MAFB: variants seen among roughly 807,000 people sequenced by gnomAD.
The protein encoded by MAFB is MAF bZIP transcription factor B.
A neutral mutation model predicts 17.7 loss-of-function variants in MAFB; 3 were observed. That is an observed-to-expected ratio of 0.17 (90% confidence interval 0.08 to 0.44). The LOEUF (loss-of-function observed/expected upper bound fraction) is 0.44. MAFB is among the 20% of genes least tolerant of loss of function. MAFB has a pLI of 0.99. For synonymous variants in MAFB, 214 were observed against 211.5 expected, an observed-to-expected ratio of 1.01 and a Z score of -0.10; for missense variants, 355 against 461.3, an observed-to-expected ratio of 0.77 and a Z score of 2.11.
rs746418143 is a variant in MAFB, at chr20:40,688,509, C to G, written c.342G>C (p.Ser114=). The change falls in exon 1 of 1, where the codon TCG becomes TCC. Residue 114 remains serine, a synonymous_variant. Coordinates refer to ENST00000373313, the MANE Select transcript of MAFB (RefSeq NM_005461.5). ...TTTGCAGCGGCTGTGGCACTGGGTG[C>G]GAGCCGATGAGCGCTTCCACCGCGT... ...PEDAVEALIG[S]HPVPQPLQSF... is the part of the protein sequence containing the mutation. The G allele has an allele frequency of 5.6e-6, 9 of 1,611,816 alleles. No individual in the cohort carries two copies. The East Asian group carries it at 6.7e-5, about 12-fold the overall frequency.
At position 40,687,944 on chromosome 20, in the gene MAFB, T is replaced by C. The variant is rs777016460; in HGVS notation, c.907A>G (p.Asn303Asp). 1 of 1,613,756 alleles carries C rather than the reference T, an allele frequency of 6.2e-7. No homozygotes were observed. Among genetic ancestry groups the C allele is most frequent in the Non-Finnish European group, 8.5e-7 (1 of 1,180,024 alleles). Residue 303 changes from asparagine to aspartate, a missense_variant, in exon 1 of 1, where the codon AAC (asparagine) becomes GAC (aspartate). Asn to Asp is a conservative substitution (Grantham distance 23). Coordinates refer to ENST00000373313, the MANE Select transcript of MAFB (RefSeq NM_005461.5). ...GAGCCCGCCTCCCTGAAGCCGGAGT[T>C]GGCGAGTTTCTCGCACTTGACCTTG... ...AYKVKCEKLA[N>D]SGFREAGSTS...
chr20:40,687,839 C>CTGGGA lies in MAFB; in HGVS notation c.*39_*40insTCCCA. On this transcript the variant is annotated 3_prime_UTR_variant, in exon 1 of 1. Coordinates refer to ENST00000373313, the MANE Select transcript of MAFB (RefSeq NM_005461.5). ...GGACTAGGGACGTGGGACAGGGAGT[C>CTGGGA]CGGGCCGGGGCAAGGGCGGGGGCCA... 6.3e-7 allele frequency: 1 copy of CTGGGA among 1,590,786 alleles called. No homozygotes were observed.
rs1568743828 is a variant in MAFB, at chr20:40,688,614, C to T, written c.237G>A (p.Lys79=). ...SSPSFSPTEQ[K]THLEDLYWMA... Reference sequence around the variant, plus strand: ...TCCAGTACAGATCCTCGAGGTGTGTCTTCTGTTCGGTCGGGCTGAAGCTGG... The same window carrying T: ...TCCAGTACAGATCCTCGAGGTGTGTTTTCTGTTCGGTCGGGCTGAAGCTGG... Residue 79 remains lysine, a synonymous_variant, in exon 1 of 1, where the codon AAG becomes AAA. Coordinates refer to ENST00000373313, the MANE Select transcript of MAFB (RefSeq NM_005461.5). The T allele has an allele frequency of 1.2e-6, 2 of 1,614,152 alleles. No homozygotes were observed. The highest frequency in any genetic ancestry group is 1.1e-5 in the South Asian group (1 of 91,086).
Position 40,688,604 on chromosome 20 carries a change from C to G in MAFB, c.247G>C (p.Glu83Gln). 1.2e-6 allele frequency: 2 copies of G among 1,614,098 alleles called. No individual in the cohort carries two copies. Among genetic ancestry groups the G allele is most frequent in the Non-Finnish European group, 1.7e-6 (2 of 1,179,970 alleles). Residue 83 changes from glutamate (E) to glutamine (Q), a missense_variant, in exon 1 of 1, where the codon GAG (glutamate) becomes CAG (glutamine). By Grantham distance (29) the Glu-to-Gln change is conservative (BLOSUM62 2). Coordinates refer to ENST00000373313, the MANE Select transcript of MAFB (RefSeq NM_005461.5). ...FSPTEQKTHL[E>Q]DLYWMASNYQ... ...TTGCTCGCCATCCAGTACAGATCCT[C>G]GAGGTGTGTCTTCTGTTCGGTCGGG...
rs906559486 is a variant in MAFB at position 40,689,147 on chromosome 20, C to A, written c.-297G>T. 118 of 405,162 alleles carry A rather than the reference C, an allele frequency of 2.9e-4. No homozygotes were observed. Among genetic ancestry groups the A allele is most frequent in the Non-Finnish European group, 5.7e-5 (13 of 229,094 alleles). 25.1% of individuals were successfully genotyped at this position (405,162 alleles called of 1,614,324 possible). A position where few individuals can be genotyped will look rare whatever the true frequency, so the allele number is the denominator to read the frequency against. ...AGCGCGCGGTGGGGCTGAGGGGAGG[C>A]GTGGGGCGAGTGCCCGTTGCTCGCT... On this transcript the variant is annotated 5_prime_UTR_variant, in exon 1 of 1. Transcript: ENST00000373313.
chr20:40,688,792 T>A lies in MAFB; in HGVS notation c.59A>T (p.Tyr20Phe). The A allele has an allele frequency of 6.2e-7, 1 of 1,613,556 alleles. No homozygotes were observed. The highest frequency in any genetic ancestry group is 1.1e-5 in the South Asian group (1 of 91,086). The part of the protein sequence containing the change: ...ELPTSPLAME[Y>F]VNDFDLLKFD... Reference sequence around the variant, plus strand: ...CTTGAGCAGGTCGAAGTCGTTGACATACTCCATGGCCAGCGGGCTGGTGGG... The same window carrying A: ...CTTGAGCAGGTCGAAGTCGTTGACAAACTCCATGGCCAGCGGGCTGGTGGG... Residue 20 changes from tyrosine (Y) to phenylalanine (F), a missense_variant, in exon 1 of 1, where the codon TAT becomes TTT. Coordinates refer to ENST00000373313, the MANE Select transcript of MAFB (RefSeq NM_005461.5).
chr20:40,688,795 T>A lies in MAFB; in HGVS notation c.56A>T (p.Glu19Val). 1.9e-6 allele frequency: 3 copies of A among 1,613,438 alleles called. No homozygotes were observed. Among genetic ancestry groups the A allele is most frequent in the Non-Finnish European group, 2.5e-6 (3 of 1,179,852 alleles). The part of the protein sequence containing the change: ...PELPTSPLAM[E>V]YVNDFDLLKF... ...GAGCAGGTCGAAGTCGTTGACATAC[T>A]CCATGGCCAGCGGGCTGGTGGGCAG... The change falls in exon 1 of 1, where the codon GAG becomes GTG. Residue 19 changes from glutamate to valine, a missense_variant. Coordinates refer to ENST00000373313, the MANE Select transcript of MAFB (RefSeq NM_005461.5).
At position 40,686,493 on chromosome 20, in the gene MAFB, T is replaced by C. The variant is rs1390869183; in HGVS notation, c.*1386A>G. The C allele has an allele frequency of 7.7e-6, 3 of 391,280 alleles. No individual in the cohort carries two copies. The highest frequency in any genetic ancestry group is 1.4e-5 in the Non-Finnish European group (3 of 222,076). The allele number at this position is 391,280 out of a possible 1,614,324, so 24.2% of individuals were successfully genotyped here. A position where few individuals can be genotyped will look rare whatever the true frequency, so the allele number is the denominator to read the frequency against. The stretch of plus-strand genomic sequence containing the variant: ...TTGGGTTTCTGGTACATTCTGAGCA[T>C]AGCAGTTGGTTCAGTGCAGTGTCTG... On this transcript the variant is annotated 3_prime_UTR_variant, in exon 1 of 1. Transcript: ENST00000373313.
Position 40,687,762 on chromosome 20 carries a change from T to C in MAFB, c.*117A>G. ...GCGCCCTTCCTCCCTCTCGCTCAAG[T>C]CAAACAGGTCAAGGCTGGGGCCGCG... is the stretch of plus-strand genomic sequence containing the variant. On this transcript the variant is annotated 3_prime_UTR_variant, in exon 1 of 1. Coordinates refer to ENST00000373313, the MANE Select transcript of MAFB (RefSeq NM_005461.5). 7.8e-7 allele frequency: 1 copy of C among 1,286,528 alleles called. No homozygotes were observed. Among genetic ancestry groups the C allele is most frequent in the Non-Finnish European group, 1.0e-6 (1 of 957,192 alleles). 79.7% of individuals were successfully genotyped at this position (1,286,528 alleles called of 1,614,324 possible).
chr20:40,688,245 G>A lies in MAFB; in HGVS notation c.606C>T (p.Gly202=). 6.4e-7 allele frequency: 1 copy of A among 1,555,574 alleles called. No homozygotes were observed. Among genetic ancestry groups the A allele is most frequent in the Non-Finnish European group, 8.6e-7 (1 of 1,157,672 alleles). ...AGCGGTCCTCCACGCTGCCGTTGCC[G>A]CCCGCCGCCGTCGCCGAGGCCGTCG... ...PHATASATAA[G]GNGSVEDRFS... Residue 202 remains glycine (G), a synonymous_variant, in exon 1 of 1, where the codon GGC becomes GGT. Coordinates refer to ENST00000373313, the MANE Select transcript of MAFB (RefSeq NM_005461.5).
rs1986877575 is a variant in MAFB at position 40,688,184 on chromosome 20, C to T, written c.667G>A (p.Glu223Lys). The change falls in exon 1 of 1, where the codon GAG (glutamate) becomes AAG (lysine). Residue 223 changes from glutamate to lysine, a missense_variant. By Grantham distance (56) the Glu-to-Lys change is moderately conservative. This residue lies in a region of MAFB where 285 missense variants were observed against 350.0 expected (regional missense o/e 0.81). Transcript: ENST00000373313. Reference sequence around the variant, plus strand: ...AAGCCCCGCAGGTGGCGGTTCAGCTCGCGCACGGACATGGACACGAGCTGG... The same window carrying T: ...AAGCCCCGCAGGTGGCGGTTCAGCTTGCGCACGGACATGGACACGAGCTGG... ...DDQLVSMSVR[E>K]LNRHLRGFTK... is the part of the protein sequence containing the mutation. 1 of 1,604,318 alleles carries T rather than the reference C, an allele frequency of 6.2e-7. No individual in the cohort carries two copies.
chr20:40,686,799 TTCTC>T lies in MAFB; in HGVS notation c.*1076_*1079del, dbSNP rs1008077261. The stretch of plus-strand genomic sequence containing the variant: ...CTGCCCTTGTACTGGGACCTCTCGG[TTCTC>T]TCTCTCAGCACCAACAAGGTTGAAA... On this transcript the variant is annotated 3_prime_UTR_variant, in exon 1 of 1. Transcript: ENST00000373313. 3.0e-5 allele frequency: 12 copies of T among 398,632 alleles called. No individual in the cohort carries two copies. Among genetic ancestry groups the T allele is most frequent in the South Asian group, 2.5e-4 (2 of 7,858 alleles). The allele number at this position is 398,632 out of a possible 1,614,324, so 24.7% of individuals were successfully genotyped here. A position where few individuals can be genotyped will look rare whatever the true frequency, so the allele number is the denominator to read the frequency against.
In MAFB at chr20:40,687,101, G is replaced by T; in HGVS notation, c.*778C>A. The T allele has an allele frequency of 2.5e-6, 1 of 398,958 alleles. No homozygotes were observed. The highest frequency in any genetic ancestry group is 3.6e-5 in the East Asian group (1 of 28,062). The allele number at this position is 398,958 out of a possible 1,614,324, so 24.7% of individuals were successfully genotyped here. ...GACTGAAACCCCGCACGCAGCCGCC[G>T]GAGTTTCCAAACTGCGATCCCTTCT... On this transcript the variant is annotated 3_prime_UTR_variant, in exon 1 of 1. Coordinates refer to ENST00000373313, the MANE Select transcript of MAFB (RefSeq NM_005461.5).
chr20:40,688,554 C>A lies in MAFB; in HGVS notation c.297G>T (p.Ala99=). 6.2e-7 allele frequency: 1 copy of A among 1,614,056 alleles called. No individual in the cohort carries two copies. Among genetic ancestry groups the A allele is most frequent in the East Asian group, 2.2e-5 (1 of 44,874 alleles). ...CCGCGTCCTCGGGCGTCAGGTTGAG[C>A]GCCTCGGGGTTCATCTGCTGGTAGT... The part of the protein sequence containing the change: ...ASNYQQMNPE[A]LNLTPEDAVE... The change falls in exon 1 of 1, where the codon GCG becomes GCT. Residue 99 remains alanine, a synonymous_variant. Coordinates refer to ENST00000373313, the MANE Select transcript of MAFB (RefSeq NM_005461.5).
chr20:40,688,443 G>C lies in MAFB; in HGVS notation c.408C>G (p.His136Gln), dbSNP rs775963285. ...ACGCGTGGTGCGGGTGAGGGTGGTGGTGATGGTGGTGGTGGTGAGCGCCGC... is the reference window on the plus strand; with the variant it reads ...ACGCGTGGTGCGGGTGAGGGTGGTGCTGATGGTGGTGGTGGTGAGCGCCGC... Reference protein sequence around the residue: ...SFRGAHHHHHHHHPHPHHAYP... With the variant: ...SFRGAHHHHHQHHPHPHHAYP... Residue 136 changes from histidine to glutamine, a missense_variant, in exon 1 of 1, where the codon CAC (histidine) becomes CAG (glutamine). Coordinates refer to ENST00000373313, the MANE Select transcript of MAFB (RefSeq NM_005461.5). 1.1e-5 allele frequency: 18 copies of C among 1,598,422 alleles called. No individual in the cohort carries two copies. Among genetic ancestry groups the C allele is most frequent in the Non-Finnish European group, 1.4e-5 (17 of 1,176,984 alleles).
At position 40,687,787 on chromosome 20, in the gene MAFB, G is replaced by C; in HGVS notation, c.*92C>G. ...TCAAACAGGTCAAGGCTGGGGCCGC[G>C]GCAGGGACAGGGTCCGGGGTAGTCT... On this transcript the variant is annotated 3_prime_UTR_variant, in exon 1 of 1. Coordinates refer to ENST00000373313, the MANE Select transcript of MAFB (RefSeq NM_005461.5). 7.0e-7 allele frequency: 1 copy of C among 1,429,778 alleles called. No homozygotes were observed. The highest frequency in any genetic ancestry group is 2.4e-5 in the East Asian group (1 of 41,472). The allele number at this position is 1,429,778 out of a possible 1,614,324, so 88.6% of individuals were successfully genotyped here. A position where few individuals can be genotyped will look rare whatever the true frequency, so the allele number is the denominator to read the frequency against.
Position 40,687,563 on chromosome 20 carries a change from G to C in MAFB, c.*316C>G, listed in dbSNP as rs1986858107. ...CTCCAGATGGCCTTGGTGACTTCTC[G>C]GGACTATGCCTCGCCGCCCTTCAGC... On this transcript the variant is annotated 3_prime_UTR_variant, in exon 1 of 1. Transcript: ENST00000373313. 1 of 524,894 alleles carries C rather than the reference G, an allele frequency of 1.9e-6. No individual in the cohort carries two copies. The highest frequency in any genetic ancestry group is 1.9e-5 in the African/African-American group (1 of 52,682). The allele number at this position is 524,894 out of a possible 1,614,324, so 32.5% of individuals were successfully genotyped here.
chr20:40,689,235 G>T lies in MAFB; in HGVS notation c.-385C>A. On this transcript the variant is annotated 5_prime_UTR_variant, in exon 1 of 1. Coordinates refer to ENST00000373313, the MANE Select transcript of MAFB (RefSeq NM_005461.5). ...CCGCTCGCAGCTCGGCGGTGCAGCT[G>T]TGCTGGATCCGGCGGCGCCGCAGCC... 1 of 264,026 alleles carries T rather than the reference G, an allele frequency of 3.8e-6. No homozygotes were observed. The allele number at this position is 264,026 out of a possible 1,614,324, so 16.4% of individuals were successfully genotyped here.
Position 40,687,281 on chromosome 20 carries a change from C to T in MAFB, c.*598G>A. On this transcript the variant is annotated 3_prime_UTR_variant, in exon 1 of 1. Coordinates refer to ENST00000373313, the MANE Select transcript of MAFB (RefSeq NM_005461.5). ...TTTTGTATTTTTCTATATAATCGAG[C>T]AGGCAATAAAACTGATGAGATTTGG... is the stretch of plus-strand genomic sequence containing the variant. The T allele has an allele frequency of 7.5e-6, 3 of 398,180 alleles. No individual in the cohort carries two copies. The highest frequency in any genetic ancestry group is 1.3e-5 in the Non-Finnish European group (3 of 226,234). 24.7% of individuals were successfully genotyped at this position (398,180 alleles called of 1,614,324 possible).
Sources: allele counts gnomAD v4.1 joint callset, GRCh38; gene constraint gnomAD v4.1.1; regional missense constraint gnomAD v4.1.1; transcripts MANE v1.5; gene names NCBI Gene and HGNC (gene_info 2026-07-23, HGNC 2026-07-21).